The following RIMS2 variants were observed in gnomAD, a reference collection of about 807,000 sequenced individuals.
RIMS2 encodes the protein regulating synaptic membrane exocytosis protein 2.
In RIMS2, 59 loss-of-function variants were observed where a neutral mutation model predicts 174.4. The ratio of observed to expected loss-of-function variants is 0.34; its 90% CI spans 0.27 to 0.42. The LOEUF (loss-of-function observed/expected upper bound fraction) is 0.42, where lower values mean the gene tolerates loss of function less well. Ranked by LOEUF, RIMS2 falls within the 10% of genes least tolerant of loss-of-function variation. RIMS2 has a pLI of 1.00. For missense variants in RIMS2, 1,620 were observed against 1,666.3 expected (o/e 0.97, Z 0.48); for synonymous variants, 606 against 572.5 (o/e 1.06, Z -0.84).
chr8:104,253,510 A>G (rs1260255623), downstream of RIMS2: 1 of 152,180 alleles, frequency 6.6e-6, no homozygotes, highest in East Asian at 1.9e-4. Flanking sequence ...TATGCCTATT[A>G]ATAGTTATTT....
intron 1 of RIMS2, among the ~76,000 whole-genome samples, chr8:103,626,993 A>G (rs1430883828): frequency 1.3e-5 from 2 of 152,194 alleles, no homozygotes; most frequent in Non-Finnish European, 2.9e-5. Context: ...TTTAGAGCAG[A>G]CAAACAGTCT....
intron 1 of RIMS2, among the ~76,000 whole-genome samples, chr8:103,636,871 T>G (rs76666704): frequency 5.2e-5 from 7 of 135,348 alleles, no homozygotes; most frequent in Admixed American, 1.7e-4. Flanking sequence ...GTGTGCTCTT[T>G]AAAGAACAAA....
chr8:104,111,837 A>G (rs746488944), intron 19 of RIMS2, among the ~76,000 whole-genome samples: 2 of 152,192 alleles, frequency 1.3e-5, no homozygotes, highest in African/African-American at 2.4e-5. Flanking sequence ...GCATGCATGC[A>G]TATGTGTGTC....
intron 1 of RIMS2, among the ~76,000 whole-genome samples, chr8:103,669,716 C>G (rs1022371457): frequency 6.6e-6 from 1 of 152,250 alleles, no homozygotes; most frequent in Non-Finnish European, 1.5e-5. Flanking sequence ...CCATGTGGCT[C>G]ACATCCAGGT....
intron 3 of RIMS2, among the ~76,000 whole-genome samples, chr8:103,863,567 G>T (rs187658456): frequency 6.5e-4 from 99 of 151,694 alleles, no homozygotes; most frequent in Non-Finnish European, 5.0e-4. Context: ...GAATTCATCT[G>T]ATCCTGGGCT....
chr8:103,722,967 C>G (rs2097473275), intron 2 of RIMS2, among the ~76,000 whole-genome samples: 2 of 152,060 alleles, frequency 1.3e-5, no homozygotes, highest in Admixed American at 1.3e-4. Flanking sequence ...CAACAATTAG[C>G]CGGGCATGGT....
intron 1 of RIMS2, among the ~76,000 whole-genome samples, chr8:103,607,998 G>A (rs1033573630): frequency 2.0e-5 from 3 of 147,630 alleles, no homozygotes; most frequent in Admixed American, 1.3e-4. Flanking sequence ...TCTTCTCTCA[G>A]CTCGTCAAAG....
chr8:103,678,691 A>G (rs112089103), intron 1 of RIMS2, among the ~76,000 whole-genome samples: 159 of 152,046 alleles, frequency 1.0e-3, no homozygotes, highest in African/African-American at 3.7e-3. Flanking sequence ...TTGTATATGA[A>G]TACGTTTGAC....
At chr8:104,186,337 T>G (rs2098967891) in intron 19 of RIMS2, among the ~76,000 whole-genome samples, 1 of 151,904 alleles carries the variant, frequency 6.6e-6, no homozygotes, top group Non-Finnish European at 1.5e-5. Context: ...ATACAACCTA[T>G]GCATGTAGCA....
intron 1 of RIMS2, among the ~76,000 whole-genome samples, chr8:103,610,527 G>T (rs1424074263): frequency 6.6e-6 from 1 of 152,086 alleles, no homozygotes; most frequent in Non-Finnish European, 1.5e-5. Context: ...TTTATTGCAG[G>T]TTTTTAACAT....
At chr8:104,055,816 A>G (rs983995128) in intron 19 of RIMS2, among the ~76,000 whole-genome samples, 2 of 152,174 alleles carry the variant, frequency 1.3e-5, no homozygotes, top group African/African-American at 4.8e-5. Flanking sequence ...TCCTAGTTTA[A>G]TGAATTTCTC....
intron 3 of RIMS2, among the ~76,000 whole-genome samples, chr8:103,863,678 A>G (rs4424225): frequency 0.39 from 59,206 of 151,460 alleles, 11,941 homozygotes; most frequent in Non-Finnish European, 0.42. Flanking sequence ...TTAGGAGGTT[A>G]TATATTTCCA....
chr8:103,833,876 G>A (rs1046586505), intron 3 of RIMS2, among the ~76,000 whole-genome samples: 7 of 152,074 alleles, frequency 4.6e-5, no homozygotes, highest in Admixed American at 4.6e-4. Context: ...CTTGAGTATG[G>A]ATCTTGTTTT....
chr8:103,609,779 G>C (rs905371096), intron 1 of RIMS2, among the ~76,000 whole-genome samples: 1 of 152,154 alleles, frequency 6.6e-6, no homozygotes, highest in African/African-American at 2.4e-5. Flanking sequence ...TTTCAGTTTT[G>C]TTCTTTCTGC....
chr8:103,626,514 A>G (rs942727305), intron 1 of RIMS2, among the ~76,000 whole-genome samples: 12 of 152,274 alleles, frequency 7.9e-5, no homozygotes, highest in African/African-American at 2.9e-4. Flanking sequence ...AAAAAACTAC[A>G]AACAAGTTAA....
At chr8:104,163,687 C>T (rs181628148) in intron 19 of RIMS2, among the ~76,000 whole-genome samples, 1 of 152,240 alleles carries the variant, frequency 6.6e-6, no homozygotes, top group East Asian at 1.9e-4. Context: ...TTCTCTTAGG[C>T]ATTAAAGTTT....
intron 3 of RIMS2, among the ~76,000 whole-genome samples, chr8:103,852,594 T>G (rs2099005214): frequency 6.6e-6 from 1 of 151,894 alleles, no homozygotes; most frequent in African/African-American, 2.4e-5. Context: ...TGTCTATTGT[T>G]CCCATGTTTA....
chr8:104,194,004 C>T (rs1402458940), intron 19 of RIMS2, among the ~76,000 whole-genome samples: 2 of 152,152 alleles, frequency 1.3e-5, no homozygotes, highest in African/African-American at 4.8e-5. Context: ...CAAAGCAAGA[C>T]TCTTCACCAT....
chr8:103,758,521 G>GTGAACA (rs2098061927), intron 2 of RIMS2, among the ~76,000 whole-genome samples: 1 of 151,928 alleles, frequency 6.6e-6, no homozygotes, highest in Non-Finnish European at 1.5e-5. Context: ...TAATGAAGAC[G>GTGAACA]TGAACATGAA....
Sources: gnomAD v4.1 joint callset for allele counts (sites outside exome capture counted in the v4.1 genomes callset) on GRCh38, gnomAD v4.1.1 for gene constraint, MANE v1.5 for transcripts, NCBI Gene and HGNC (gene_info 2026-07-23, HGNC 2026-07-21) for gene names.